The following CD163L1 variants were observed in gnomAD, a reference collection of about 807,000 sequenced individuals.
CD163L1 encodes CD163 molecule like 1.
A neutral mutation model predicts 165.4 loss-of-function variants in CD163L1; 124 were observed. The ratio of observed to expected loss-of-function variants is 0.75; its 90% confidence interval spans 0.65 to 0.87. The LOEUF is 0.87. CD163L1 is among the 40% of genes least tolerant of loss of function. The probability of loss-of-function intolerance (pLI) is 0.00; values close to 1 mark genes in which losing one functional copy is unlikely to be tolerated. For missense variants in CD163L1, 1,525 were observed against 1,799.9 expected, an observed-to-expected ratio of 0.85 and a Z score of 2.76; for synonymous variants, 585 against 662.2, an observed-to-expected ratio of 0.88 and a Z score of 1.79.
Position 7,398,507 on chromosome 12 carries a change from C to G in CD163L1, c.1486G>C (p.Glu496Gln). The change falls in exon 7 of 20, where the codon GAG becomes CAG. Residue 496 changes from glutamate to glutamine, a missense_variant. Physicochemically the swap from Glu to Gln is conservative, Grantham distance 29. Coordinates refer to ENST00000313599, the MANE Select transcript of CD163L1 (RefSeq NM_174941.6). The surrounding 1 kb of genome is among the most constrained non-coding windows in gnomAD (Gnocchi z 4.5). ...YGRLEVKYQG[E>Q]WGTVCHDRWS... ...CTGTCATGACACACAGTCCCCCACT[C>G]TCCTTGGTATTTCACCTCCAATCTC... 4 of 1,613,756 alleles carry G rather than the reference C, an allele frequency of 2.5e-6. No individual in the cohort carries two copies. The highest frequency in any genetic ancestry group is 3.4e-6 in the Non-Finnish European group (4 of 1,179,816).
downstream of CD163L1, among the ~76,000 whole-genome samples, chr12:7,352,837 G>T (rs1296322667): frequency 1.3e-5 from 2 of 151,992 alleles, no homozygotes; most frequent in African/African-American, 4.8e-5. Flanking sequence ...ACTGCCCTGG[G>T]GAAGAGAGAT....
rs746217746 is a variant in CD163L1, at chr12:7,373,597, G to T, written c.3453C>A (p.Ser1151Arg). Residue 1151 changes from serine to arginine, a missense_variant, in exon 14 of 20, where the codon AGC becomes AGA. Transcript: ENST00000313599. The part of the protein sequence containing the change: ...LRLYSETETE[S>R]CAGRLEVFYN... ...AGAAGACTTCCAATCTCCCAGCACAGCTCTCTGTTTCAGTTTCACTGTAGA... is the reference window on the plus strand; with the variant it reads ...AGAAGACTTCCAATCTCCCAGCACATCTCTCTGTTTCAGTTTCACTGTAGA... 1 of 1,612,116 alleles carries T rather than the reference G, an allele frequency of 6.2e-7. No individual in the cohort carries two copies. The highest frequency in any genetic ancestry group is 8.5e-7 in the Non-Finnish European group (1 of 1,178,556).
At chr12:7,337,263 A>G in the CD163L1 span, among the ~76,000 whole-genome samples, 1 of 152,198 alleles carries the variant, frequency 6.6e-6, no homozygotes, top group African/African-American at 2.4e-5. Flanking sequence ...GCACGGGCAA[A>G]GACTTCATGA....
At chr12:7,386,237 T>C (rs1194211747) in intron 8 of CD163L1, among the ~76,000 whole-genome samples, 1 of 152,006 alleles carries the variant, frequency 6.6e-6, no homozygotes, top group Non-Finnish European at 1.5e-5. Flanking sequence ...TAAATTCCTG[T>C]ACACATACGA....
At chr12:7,367,997 G>A in intron 17 of CD163L1, 90 bp downstream of exon 17, 2 of 766,382 alleles carry the variant, frequency 2.6e-6, no homozygotes, top group Non-Finnish European at 4.6e-6. Flanking sequence ...AGTGGCAAGT[G>A]CATTTCTTCC....
rs754265859 is a variant in CD163L1 at position 7,355,027 on chromosome 12, T to C, written c.*128A>G. The C allele has an allele frequency of 1.3e-5, 2 of 152,320 alleles. No individual in the cohort carries two copies. Among genetic ancestry groups the C allele is most frequent in the Admixed American group, 1.3e-4 (2 of 15,302 alleles). The allele number at this position is 152,320 out of a possible 1,614,324, so 9.4% of individuals were successfully genotyped here. A position where few individuals can be genotyped will look rare whatever the true frequency, so the allele number is the denominator to read the frequency against. The stretch of plus-strand genomic sequence containing the variant: ...CTTTATCAATTTAGCTGTTCTCCTA[T>C]TGTTCAAGAAATGTTATTTGGACAA... On this transcript the variant is annotated 3_prime_UTR_variant, in exon 20 of 20. Transcript: ENST00000313599.
chr12:7,420,715 T>C (rs1344402256), intron 4 of CD163L1, among the ~76,000 whole-genome samples: 1 of 151,930 alleles, frequency 6.6e-6, no homozygotes, highest in African/African-American at 2.4e-5. Flanking sequence ...GGTTTCAATG[T>C]GGTGAAAAGG....
chr12:7,431,150 C>T (rs183615308), intron 4 of CD163L1, among the ~76,000 whole-genome samples: 10 of 152,080 alleles, frequency 6.6e-5, no homozygotes, highest in African/African-American at 1.7e-4. Context: ...CAGCCGGGTG[C>T]GGTGGCTCAC....
intron 4 of CD163L1, among the ~76,000 whole-genome samples, chr12:7,409,113 G>C (rs770166138): frequency 6.6e-6 from 1 of 152,234 alleles, no homozygotes; most frequent in African/African-American, 2.4e-5. Context: ...TTATCACAGT[G>C]TTATGTATTT....
chr12:7,368,968 G>C lies in CD163L1; in HGVS notation c.4040-3C>G, dbSNP rs775301901. ...ATTCAGTGATTTCAGCGACTGTCCT[G>C]AGAGAGAGAGAGAGAGAGAGAGACG... On this transcript the variant is annotated splice_polypyrimidine_tract_variant and splice_region_variant and intron_variant, in intron 15 of 19. Transcript: ENST00000313599. This position sits in a 1 kb window ranked among gnomAD's most constrained non-coding sequence, Gnocchi z 4.3. 5.6e-6 allele frequency: 2 copies of C among 359,080 alleles called. No individual in the cohort carries two copies. The highest frequency in any genetic ancestry group is 7.8e-6 in the Non-Finnish European group (2 of 255,904). The allele number at this position is 359,080 out of a possible 1,614,324, so 22.2% of individuals were successfully genotyped here.
chr12:7,366,269 G>A (rs1947019450), intron 18 of CD163L1, among the ~76,000 whole-genome samples: 1 of 152,042 alleles, frequency 6.6e-6, no homozygotes, highest in Non-Finnish European at 1.5e-5. Flanking sequence ...GGAGGATAAA[G>A]AGAGGTTGAT....
chr12:7,371,459 T>C (rs1947144700), intron 14 of CD163L1, among the ~76,000 whole-genome samples: 1 of 152,128 alleles, frequency 6.6e-6, no homozygotes, highest in Non-Finnish European at 1.5e-5. Flanking sequence ...AAATCTCCAA[T>C]GCTAATATCA....
intron 4 of CD163L1, among the ~76,000 whole-genome samples, chr12:7,408,201 ATTTT>A (rs968293631): frequency 6.6e-6 from 1 of 151,622 alleles, no homozygotes; most frequent in South Asian, 2.1e-4. Context: ...AATGAATGAG[ATTTT>A]TTTTACAGAT....
chr12:7,421,578 T>C (rs969467427), intron 4 of CD163L1, among the ~76,000 whole-genome samples: 9 of 127,842 alleles, frequency 7.0e-5, no homozygotes, highest in Non-Finnish European at 1.4e-4. Context: ...TATATACATG[T>C]ACATATATAC....
At chr12:7,364,830 GAATT>G (rs1412049400) in intron 18 of CD163L1, among the ~76,000 whole-genome samples, 3 of 151,950 alleles carry the variant, frequency 2.0e-5, no homozygotes, top group Non-Finnish European at 2.9e-5. Flanking sequence ...TAGATGGAAA[GAATT>G]AATATTGTTA....
At chr12:7,328,208 C>T in the CD163L1 span, 1 of 1,095,578 alleles carries the variant, frequency 9.1e-7, no homozygotes, top group Non-Finnish European at 1.3e-6. Flanking sequence ...GTCTGAGTTC[C>T]ATGCAAGCTC....
chr12:7,344,372 G>A (rs897938193), downstream of CD163L1, among the ~76,000 whole-genome samples: 1 of 152,152 alleles, frequency 6.6e-6, no homozygotes, highest in Non-Finnish European at 1.5e-5. Flanking sequence ...ACAGGCATGA[G>A]CCACCATACC....
chr12:7,417,278 CT>C (rs749957076), intron 4 of CD163L1, among the ~76,000 whole-genome samples: 91 of 152,244 alleles, frequency 6.0e-4, no homozygotes, highest in Non-Finnish European at 1.1e-3. Flanking sequence ...TATCCTGAGA[CT>C]TTGCTGAAGT....
intron 8 of CD163L1, among the ~76,000 whole-genome samples, chr12:7,379,931 C>T (rs767156766): frequency 1.3e-4 from 19 of 150,636 alleles, no homozygotes; most frequent in Non-Finnish European, 1.9e-4. Flanking sequence ...AAATCAAAAC[C>T]ACAATGCAAT....
Sources: allele counts gnomAD v4.1 joint callset (sites outside exome capture counted in the v4.1 genomes callset), GRCh38; gene constraint gnomAD v4.1.1; non-coding constraint Gnocchi (gnomAD v3.1); transcripts MANE v1.5; gene names NCBI Gene and HGNC (gene_info 2026-07-23, HGNC 2026-07-21).